Variants in WDPCP observed in about 807,000 individuals in gnomAD.
The protein encoded by WDPCP is WD repeat-containing and planar cell polarity effector protein fritz homolog.
WDPCP carries 71 observed loss-of-function variants against 93.1 expected under a neutral mutation model. That is an observed-to-expected ratio of 0.76 (90% confidence interval 0.63 to 0.93). WDPCP has a LOEUF of 0.93. WDPCP is among the 40% of genes least tolerant of loss of function. WDPCP has a pLI of 0.00. For missense variants in WDPCP, 844 were observed against 887.4 expected (o/e 0.95, Z 0.62); for synonymous variants, 315 against 315.0 (o/e 1.00, Z 0.00).
chr2:63,387,025 G>C (rs1607201), intron 10 of WDPCP, among the ~76,000 whole-genome samples: 85,690 of 151,824 alleles, frequency 0.56, 24,536 homozygotes, highest in Admixed American at 0.64. Flanking sequence ...AAGCTTAGGA[G>C]CAGACAATTC....
At chr2:63,809,439 T>G (rs1013358697) in intron 2 of WDPCP, among the ~76,000 whole-genome samples, 171 of 152,268 alleles carry the variant, frequency 1.1e-3, no homozygotes, top group Non-Finnish European at 1.7e-3. Flanking sequence ...GAACGGGCCA[T>G]GATGACAATG....
chr2:63,344,036 C>A (rs752559100), intron 12 of WDPCP, among the ~76,000 whole-genome samples: 1 of 152,020 alleles, frequency 6.6e-6, no homozygotes, highest in African/African-American at 2.4e-5. Flanking sequence ...CCCAGGGATA[C>A]GTTCTATTTT....
At chr2:63,188,544 G>C (rs1674806597) in intron 14 of WDPCP, among the ~76,000 whole-genome samples, 1 of 151,438 alleles carries the variant, frequency 6.6e-6, no homozygotes, top group Non-Finnish European at 1.5e-5. Context: ...ATGTTGCCCA[G>C]GCTAGTCTTG....
chr2:63,815,051 A>G (rs1223991748), intron 1 of WDPCP, among the ~76,000 whole-genome samples: 1 of 152,208 alleles, frequency 6.6e-6, no homozygotes, highest in East Asian at 1.9e-4. Context: ...AGACATTGCA[A>G]AAGACTGGAG....
In WDPCP at chr2:63,588,404, G is replaced by A; in HGVS notation, c.-133C>T. On this transcript the variant is annotated 5_prime_UTR_variant, in exon 1 of 18. Transcript: ENST00000272321. ...CCACAGTTTCCTCAGGTGCTACAAAGCAGCCAGGGTGTGCGTGCGCTCCCG... is the reference window on the plus strand; with the variant it reads ...CCACAGTTTCCTCAGGTGCTACAAAACAGCCAGGGTGTGCGTGCGCTCCCG... The A allele has an allele frequency of 4.7e-6, 5 of 1,071,980 alleles. No individual in the cohort carries two copies. Among genetic ancestry groups the A allele is most frequent in the Non-Finnish European group, 7.0e-6 (5 of 710,280 alleles). The allele number at this position is 1,071,980 out of a possible 1,614,324, so 66.4% of individuals were successfully genotyped here.
chr2:63,607,540 AAAG>A (rs1018370057), intron 3 of WDPCP, among the ~76,000 whole-genome samples: 8 of 151,220 alleles, frequency 5.3e-5, no homozygotes, highest in African/African-American at 7.3e-5. Context: ...GTCTCAAAAA[AAAG>A]AAGAGGACTG....
At chr2:63,495,890 A>G (rs1701192913) in intron 1 of WDPCP, among the ~76,000 whole-genome samples, 2 of 152,218 alleles carry the variant, frequency 1.3e-5, no homozygotes, top group African/African-American at 4.8e-5. Context: ...TTATGAAGGA[A>G]AAACATCCAG....
intron 13 of WDPCP, among the ~76,000 whole-genome samples, chr2:63,294,508 GAAAAA>G (rs59228476): frequency 8.3e-5 from 4 of 48,320 alleles, no homozygotes; most frequent in African/African-American, 3.6e-4. Flanking sequence ...AGACTGTTTC[GAAAAA>G]AAAAAAAAAA....
chr2:63,595,589 G>A (rs1421960324), intron 3 of WDPCP: 7 of 925,564 alleles, frequency 7.6e-6, no homozygotes, highest in Non-Finnish European at 1.2e-5. Context: ...TTAGGTTTTT[G>A]TTAAAGGCTC....
chr2:63,161,245 A>T (rs1238415818), intron 15 of WDPCP, among the ~76,000 whole-genome samples: 2 of 152,228 alleles, frequency 1.3e-5, no homozygotes, highest in East Asian at 3.8e-4. Context: ...TGTGCAGGAA[A>T]CACCAAAGAC....
At chr2:63,404,719 A>C in intron 9 of WDPCP, 62 bp from the exon 10 acceptor site, 4 of 1,589,830 alleles carry the variant, frequency 2.5e-6, no homozygotes, top group Non-Finnish European at 3.4e-6. Context: ...CTTCACACCT[A>C]GGACTGCATA....
At chr2:63,227,736 A>G (rs1420468383) in intron 14 of WDPCP, among the ~76,000 whole-genome samples, 1 of 152,136 alleles carries the variant, frequency 6.6e-6, no homozygotes, top group Non-Finnish European at 1.5e-5. Context: ...TATGATAGTA[A>G]TTACAGAGCT....
chr2:63,537,550 G>C (rs1704383146), intron 1 of WDPCP, among the ~76,000 whole-genome samples: 1 of 152,064 alleles, frequency 6.6e-6, no homozygotes, highest in African/African-American at 2.4e-5. Flanking sequence ...GAAGTCTTAG[G>C]GTCCTATGAG....
intron 1 of WDPCP, among the ~76,000 whole-genome samples, chr2:63,494,820 T>G (rs963978055): frequency 4.7e-5 from 7 of 149,520 alleles, no homozygotes; most frequent in African/African-American, 1.7e-4. Flanking sequence ...CTCGGGAGGC[T>G]GAGGCAGGAG....
At chr2:63,550,308 C>A (rs565148311) in intron 1 of WDPCP, among the ~76,000 whole-genome samples, 1 of 151,814 alleles carries the variant, frequency 6.6e-6, no homozygotes, top group African/African-American at 2.4e-5. Flanking sequence ...GAGTTTTCTT[C>A]ATGTATTCAC....
chr2:63,522,416 A>C (rs1384356173), intron 1 of WDPCP, among the ~76,000 whole-genome samples: 1 of 151,346 alleles, frequency 6.6e-6, no homozygotes, highest in African/African-American at 2.4e-5. Context: ...AACCAAAATC[A>C]GAGCTGAACT....
In WDPCP at chr2:63,405,463, A is replaced by T. The variant is rs527978620; in HGVS notation, c.826-806T>A. On this transcript the variant is annotated intron_variant, in intron 9 of 17. Transcript: ENST00000272321. ...AGTATTCCCAGTATGTGGGAAATCTATGTAAACAGAGGACTGACTTTTCAT... is the reference window on the plus strand; with the variant it reads ...AGTATTCCCAGTATGTGGGAAATCTTTGTAAACAGAGGACTGACTTTTCAT... Among the ~76,000 whole-genome samples, 16 of 152,200 alleles carry T rather than the reference A, an allele frequency of 1.1e-4. 1 individual carries two copies. Among genetic ancestry groups the T allele is most frequent in the African/African-American group, 3.6e-4 (15 of 41,522 alleles).
intron 2 of WDPCP, among the ~76,000 whole-genome samples, chr2:63,783,900 G>A (rs1186104402): frequency 6.6e-6 from 1 of 152,082 alleles, no homozygotes; most frequent in Non-Finnish European, 1.5e-5. Flanking sequence ...AATTGCACTT[G>A]TACCCCTTAA....
intron 12 of WDPCP, among the ~76,000 whole-genome samples, chr2:63,356,645 G>A (rs970947334): frequency 1.3e-5 from 2 of 152,070 alleles, no homozygotes; most frequent in Admixed American, 1.3e-4. Flanking sequence ...CAATTACATG[G>A]AAATTAAAAA....
Sources: allele counts gnomAD v4.1 joint callset (sites outside exome capture counted in the v4.1 genomes callset), GRCh38; gene constraint gnomAD v4.1.1; transcripts MANE v1.5; gene names NCBI Gene and HGNC (gene_info 2026-07-23, HGNC 2026-07-21).